GPC5: variants seen among roughly 807,000 people sequenced by gnomAD.
The protein encoded by GPC5 is glypican-5.
In GPC5, 47 loss-of-function variants were observed where a neutral mutation model predicts 53.9. The ratio of observed to expected loss-of-function variants is 0.87; its 90% CI spans 0.69 to 1.11. The LOEUF is 1.11. Ranked by LOEUF, GPC5 falls within the 50% of genes most tolerant of loss-of-function variation. The probability of loss-of-function intolerance (pLI) is 0.00; values close to 1 mark genes in which losing one functional copy is unlikely to be tolerated. For synonymous variants in GPC5, 286 were observed against 263.3 expected (o/e 1.09, Z -0.84); for missense variants, 748 against 713.1 (o/e 1.05, Z -0.56).
chr13:91,898,523 C>T (rs879269705), intron 5 of GPC5, among the ~76,000 whole-genome samples: 6 of 152,068 alleles, frequency 3.9e-5, no homozygotes, highest in South Asian at 2.1e-4. Flanking sequence ...TTATTCTAAG[C>T]GGTCTCAAAG....
chr13:91,987,151 G>A (rs1401770847), intron 6 of GPC5, among the ~76,000 whole-genome samples: 1 of 152,132 alleles, frequency 6.6e-6, no homozygotes, highest in Non-Finnish European at 1.5e-5. Context: ...AAAACTAATA[G>A]AATTTAAATA....
At chr13:91,798,940 T>A (rs183591447) in intron 5 of GPC5, among the ~76,000 whole-genome samples, 25 of 152,358 alleles carry the variant, frequency 1.6e-4, no homozygotes, top group Non-Finnish European at 2.9e-4. Flanking sequence ...CTCACTGTGA[T>A]TTTGTTTTGC....
At chr13:91,986,056 C>G (rs1594706940) in intron 6 of GPC5, among the ~76,000 whole-genome samples, 2 of 136,052 alleles carry the variant, frequency 1.5e-5, no homozygotes, top group Non-Finnish European at 3.1e-5. Flanking sequence ...TATTCTTAGC[C>G]AATACTTTTT....
chr13:91,845,796 C>CTTA (rs2038842390), intron 5 of GPC5, among the ~76,000 whole-genome samples: 1 of 152,114 alleles, frequency 6.6e-6, no homozygotes, highest in Non-Finnish European at 1.5e-5. Context: ...GTGTTGTTAT[C>CTTA]GTTCCTGAAG....
intron 6 of GPC5, among the ~76,000 whole-genome samples, chr13:91,959,879 T>C (rs1209867492): frequency 1.3e-5 from 2 of 151,972 alleles, no homozygotes; most frequent in Non-Finnish European, 2.9e-5. Context: ...AAGCACTTGA[T>C]AAAATTCAAC....
intron 7 of GPC5, among the ~76,000 whole-genome samples, chr13:92,164,613 G>A (rs57808967): frequency 0.012 from 1,831 of 152,242 alleles, 53 homozygotes; most frequent in African/African-American, 0.041. Flanking sequence ...AGTGTCTGTG[G>A]CTTTTCCAGG....
At chr13:91,748,970 G>C (rs1359561458) in intron 4 of GPC5, among the ~76,000 whole-genome samples, 1 of 152,148 alleles carries the variant, frequency 6.6e-6, no homozygotes, top group Non-Finnish European at 1.5e-5. Flanking sequence ...GACTGTCATG[G>C]AATGAGGTTT....
At chr13:92,134,826 G>A (rs774966153) in intron 6 of GPC5, among the ~76,000 whole-genome samples, 8 of 151,876 alleles carry the variant, frequency 5.3e-5, no homozygotes, top group African/African-American at 9.7e-5. Context: ...ATACATTTTC[G>A]TGTCAGTATA....
intron 2 of GPC5, among the ~76,000 whole-genome samples, chr13:91,577,087 C>T (rs1318296436): frequency 6.6e-6 from 1 of 152,116 alleles, no homozygotes; most frequent in Non-Finnish European, 1.5e-5. Context: ...TGAGGTTTTC[C>T]TAAAATACTG....
intron 7 of GPC5, among the ~76,000 whole-genome samples, chr13:92,295,563 C>A (rs772505109): frequency 2.6e-5 from 4 of 152,044 alleles, no homozygotes; most frequent in Non-Finnish European, 5.9e-5. Context: ...GTATTGAAGT[C>A]CCCCACTATT....
chr13:92,842,583 C>A (rs1002416585), intron 7 of GPC5, among the ~76,000 whole-genome samples: 1 of 151,054 alleles, frequency 6.6e-6, no homozygotes, highest in Non-Finnish European at 1.5e-5. Context: ...TAGCACACCC[C>A]AGAAAGAAAA....
chr13:91,872,439 A>T (rs2039156640), intron 5 of GPC5, among the ~76,000 whole-genome samples: 1 of 152,208 alleles, frequency 6.6e-6, no homozygotes, highest in Non-Finnish European at 1.5e-5. Context: ...TTCTTTTTAA[A>T]AATTAGCACA....
intron 2 of GPC5, among the ~76,000 whole-genome samples, chr13:91,490,505 A>T (rs1883882807): frequency 6.6e-6 from 1 of 152,186 alleles, no homozygotes; most frequent in Non-Finnish European, 1.5e-5. Context: ...CCTTATCAAG[A>T]CTTTTTAGCT....
intron 5 of GPC5, among the ~76,000 whole-genome samples, chr13:91,773,701 C>G (rs978489426): frequency 1.3e-5 from 2 of 152,252 alleles, no homozygotes; most frequent in South Asian, 4.1e-4. Flanking sequence ...ATAGATCAAG[C>G]TATTTGTAGA....
rs868783355 is a variant in GPC5 at position 91,571,783 on chromosome 13, A to G, written c.326-121404A>G. ...CATGTGTATGTGTATATACACACAC[A>G]TATACGTGTGTGTATATATACACAC... On this transcript the variant is annotated intron_variant, in intron 2 of 7. Transcript: ENST00000377067. 9.5e-3 allele frequency among the ~76,000 whole-genome samples: 1,240 copies of G among 131,104 alleles called. 124 individuals are homozygous for G. Among genetic ancestry groups the G allele is most frequent in the Middle Eastern group, 0.02 (5 of 246 alleles). 86.0% of individuals were successfully genotyped at this position (131,104 alleles called of 152,430 possible).
intron 1 of GPC5, among the ~76,000 whole-genome samples, chr13:91,431,368 C>G (rs911703298): frequency 1.3e-5 from 2 of 152,164 alleles, no homozygotes; most frequent in African/African-American, 4.8e-5. Flanking sequence ...CTAGATCTTT[C>G]TGTATAATGT....
chr13:92,430,135 A>T (rs990469455), intron 7 of GPC5, among the ~76,000 whole-genome samples: 11 of 151,826 alleles, frequency 7.2e-5, no homozygotes, highest in African/African-American at 2.7e-4. Flanking sequence ...AATTTAAAGA[A>T]AAAAAAAGTG....
chr13:91,769,973 C>A (rs992975970), intron 5 of GPC5, among the ~76,000 whole-genome samples: 1 of 152,164 alleles, frequency 6.6e-6, no homozygotes, highest in Non-Finnish European at 1.5e-5. Flanking sequence ...AGATGCCCCC[C>A]ACTTTAGATG....
chr13:92,501,209 C>T (rs981649968), intron 7 of GPC5, among the ~76,000 whole-genome samples: 1 of 151,796 alleles, frequency 6.6e-6, no homozygotes, highest in African/African-American at 2.4e-5. Flanking sequence ...ATAAAATATT[C>T]CAACAAATAA....
Sources: gnomAD v4.1 joint callset for allele counts (sites outside exome capture counted in the v4.1 genomes callset) on GRCh38, gnomAD v4.1.1 for gene constraint, MANE v1.5 for transcripts, NCBI Gene and HGNC (gene_info 2026-07-23, HGNC 2026-07-21) for gene names.